The following GOSR1 variants were observed in gnomAD, a reference collection of about 807,000 sequenced individuals.
GOSR1 encodes 28 kDa Golgi SNARE protein.
Under a neutral mutation model 35.5 loss-of-function variants are expected in GOSR1, and 21 were observed. The ratio of observed to expected loss-of-function variants is 0.59; its 90% CI spans 0.42 to 0.85. GOSR1 has a LOEUF of 0.85. Ranked by LOEUF, GOSR1 falls within the 40% of genes least tolerant of loss-of-function variation. The pLI is 0.00. For synonymous variants in GOSR1, 94 were observed against 106.6 expected (o/e 0.88, Z 0.73); for missense variants, 285 against 309.6 (o/e 0.92, Z 0.60).
At position 30,523,392 on chromosome 17, in the gene GOSR1, C is replaced by CT. The variant is rs1968112243; in HGVS notation, c.*1015dup. 5.8e-6 allele frequency: 1 copy of CT among 173,284 alleles called. No homozygotes were observed. The highest frequency in any genetic ancestry group is 2.4e-5 in the African/African-American group (1 of 41,028). The allele number at this position is 173,284 out of a possible 1,614,324, so 10.7% of individuals were successfully genotyped here. On this transcript the variant is annotated 3_prime_UTR_variant, in exon 9 of 9. Transcript: ENST00000451249. Reference sequence around the variant, plus strand: ...GAGCGTCTCTGTCTGGCCACCCCGTCTGAGAAGTGAGGAGACCTCCGCCCG... The same window carrying CT: ...GAGCGTCTCTGTCTGGCCACCCCGTCTTGAGAAGTGAGGAGACCTCCGCCCG...
Position 30,526,090 on chromosome 17 carries a change from G to A in GOSR1, c.*3712G>A, listed in dbSNP as rs1968177903. ...CAGCTCCATGTCATTTAACTTTTTT[G>A]TTTAACCACCTTGGCTTTCTCTCCT... On this transcript the variant is annotated 3_prime_UTR_variant, in exon 9 of 9. Coordinates refer to ENST00000451249, the MANE Select transcript of GOSR1 (RefSeq NM_001007025.2). 6.6e-6 allele frequency: 1 copy of A among 152,114 alleles called. No homozygotes were observed. Among genetic ancestry groups the A allele is most frequent in the South Asian group, 2.1e-4 (1 of 4,836 alleles). 9.4% of individuals were successfully genotyped at this position (152,114 alleles called of 1,614,324 possible).
At position 30,523,275 on chromosome 17, in the gene GOSR1, C is replaced by T. The variant is rs569595002; in HGVS notation, c.*897C>T. 8.5e-3 allele frequency: 1,523 copies of T among 178,224 alleles called. 17 individuals are homozygous for T. Among genetic ancestry groups the T allele is most frequent in the South Asian group, 0.033 (329 of 9,914 alleles). 11.0% of individuals were successfully genotyped at this position (178,224 alleles called of 1,614,324 possible). A position where few individuals can be genotyped will look rare whatever the true frequency, so the allele number is the denominator to read the frequency against. On this transcript the variant is annotated 3_prime_UTR_variant, in exon 9 of 9. Coordinates refer to ENST00000451249, the MANE Select transcript of GOSR1 (RefSeq NM_001007025.2). ...GGAGCGTCTCTGCCCGGCCGCCCAT[C>T]GTCTGAGATGTGGGGAGCGCCTCTG...
At position 30,481,163 on chromosome 17, in the gene GOSR1, C is replaced by T; in HGVS notation, c.52C>T (p.Gln18Ter). 1.3e-6 allele frequency: 2 copies of T among 1,598,964 alleles called. No homozygotes were observed. The highest frequency in any genetic ancestry group is 1.7e-6 in the Non-Finnish European group (2 of 1,166,254). ...YWEDLRKQAR[Q>*]LENELDLKLV... ...TAAAGATCTCAGGAAACAGGCTCGA[C>T]AGCTGGAAAATGAACTTGACCTGAA... Residue 18 changes from glutamine (Q) to a stop codon, truncating the protein, a stop_gained, in exon 2 of 9, where the codon CAG (glutamine) becomes TAG (stop). Coordinates refer to ENST00000451249, the MANE Select transcript of GOSR1 (RefSeq NM_001007025.2). LOFTEE classifies it high-confidence loss of function.
intron 6 of GOSR1, among the ~76,000 whole-genome samples, chr17:30,502,379 C>CTGGGTG (rs1967242397): frequency 6.6e-6 from 1 of 152,172 alleles, no homozygotes; most frequent in Non-Finnish European, 1.5e-5. Flanking sequence ...AGTTGTAACA[C>CTGGGTG]ATGTGGCACA....
rs1968127565 is a variant in GOSR1 at position 30,523,672 on chromosome 17, AGTGAGGAG to A, written c.*1295_*1302del. 5.9e-6 allele frequency: 1 copy of A among 169,698 alleles called. No individual in the cohort carries two copies. Among genetic ancestry groups the A allele is most frequent in the Non-Finnish European group, 1.2e-5 (1 of 82,948 alleles). 10.5% of individuals were successfully genotyped at this position (169,698 alleles called of 1,614,324 possible). Reference sequence around the variant, plus strand: ...CCCTGCCCGGCCGCCCCTACTGGGAAGTGAGGAGCCCCTCTGCCTGGCCACCACCCCAT... The same window carrying A: ...CCCTGCCCGGCCGCCCCTACTGGGAACCCCTCTGCCTGGCCACCACCCCAT... On this transcript the variant is annotated 3_prime_UTR_variant, in exon 9 of 9. Coordinates refer to ENST00000451249, the MANE Select transcript of GOSR1 (RefSeq NM_001007025.2).
At chr17:30,489,649 A>G (rs1039294652) in intron 4 of GOSR1, among the ~76,000 whole-genome samples, 1 of 152,234 alleles carries the variant, frequency 6.6e-6, no homozygotes, top group Non-Finnish European at 1.5e-5. Flanking sequence ...TGGTACAAAA[A>G]TAGTAGAAAA....
intron 6 of GOSR1, among the ~76,000 whole-genome samples, chr17:30,498,561 G>A (rs1007598189): frequency 6.6e-6 from 1 of 152,228 alleles, no homozygotes; most frequent in Non-Finnish European, 1.5e-5. Flanking sequence ...CTTGAGGAAT[G>A]AGTAGGTGTT....
intron 6 of GOSR1, among the ~76,000 whole-genome samples, chr17:30,509,067 C>G (rs1441925852): frequency 1.3e-5 from 2 of 152,262 alleles, no homozygotes; most frequent in Non-Finnish European, 2.9e-5. Context: ...CCTCCACCTC[C>G]TGGGTTCAAG....
intron 6 of GOSR1, among the ~76,000 whole-genome samples, chr17:30,498,854 T>C (rs1967096949): frequency 6.6e-6 from 1 of 152,200 alleles, no homozygotes. Context: ...AAATCAGATT[T>C]ACTGAGGTAG....
At chr17:30,512,331 T>C (rs1048031546) in intron 7 of GOSR1, among the ~76,000 whole-genome samples, 7 of 152,222 alleles carry the variant, frequency 4.6e-5, no homozygotes, top group African/African-American at 1.7e-4. Context: ...AATCCTTTCT[T>C]TTTTAGCTTT....
intron 6 of GOSR1, among the ~76,000 whole-genome samples, chr17:30,494,192 A>AACACACACACAC (rs143873080): frequency 0.017 from 2,565 of 150,492 alleles, 60 homozygotes; most frequent in African/African-American, 0.055. Context: ...GCCATACTTA[A>AACACACACACAC]ACACACACAC....
chr17:30,503,388 A>G (rs1967285408), intron 6 of GOSR1, among the ~76,000 whole-genome samples: 1 of 152,224 alleles, frequency 6.6e-6, no homozygotes, highest in Admixed American at 6.5e-5. Flanking sequence ...ATTGGTCTTG[A>G]GACAAATGGA....
intron 7 of GOSR1, among the ~76,000 whole-genome samples, chr17:30,518,038 G>A (rs1014442588): frequency 3.3e-5 from 5 of 152,024 alleles, no homozygotes; most frequent in South Asian, 4.2e-4. Context: ...CAAGACTATC[G>A]GCTCTCTGCT....
chr17:30,521,836 A>G (rs1364634302), intron 8 of GOSR1, among the ~76,000 whole-genome samples: 1 of 152,194 alleles, frequency 6.6e-6, no homozygotes, highest in African/African-American at 2.4e-5. Context: ...AAGAGAAGGA[A>G]AATGAGGAAA....
At chr17:30,481,422 C>A in intron 2 of GOSR1, 165 bp downstream of exon 2, 1 of 463,628 alleles carries the variant, frequency 2.2e-6, no homozygotes, top group Non-Finnish European at 3.9e-6. Context: ...TAAAATTCTT[C>A]TGAATTCTCG....
rs763027466 is a variant in GOSR1, at chr17:30,506,105, G to T, written c.510-4775G>T. 4.6e-5 allele frequency among the ~76,000 whole-genome samples: 7 copies of T among 152,192 alleles called. No individual in the cohort carries two copies. In the Middle Eastern group the frequency reaches 0.014, roughly 296 times the overall value. ...CTCCTCAGGCCCCTCTCTATTACCTGACACAGAACAGTATTGAAATTAGGC... is the reference window on the plus strand; with the variant it reads ...CTCCTCAGGCCCCTCTCTATTACCTTACACAGAACAGTATTGAAATTAGGC... On this transcript the variant is annotated intron_variant, in intron 6 of 8. Coordinates refer to ENST00000451249, the MANE Select transcript of GOSR1 (RefSeq NM_001007025.2).
chr17:30,498,262 T>C (rs1430581957), intron 6 of GOSR1, among the ~76,000 whole-genome samples: 3 of 152,098 alleles, frequency 2.0e-5, no homozygotes, highest in Admixed American at 6.6e-5. Flanking sequence ...TTTGGTTGTT[T>C]TAACGAGCAT....
chr17:30,516,155 C>G (rs1307152355), intron 7 of GOSR1, among the ~76,000 whole-genome samples: 2 of 151,274 alleles, frequency 1.3e-5, no homozygotes, highest in Non-Finnish European at 2.9e-5. Context: ...ATTGTAACAA[C>G]TTAAATAATA....
intron 6 of GOSR1, chr17:30,495,553 AG>A (rs1966964540): frequency 2.7e-6 from 1 of 366,570 alleles, no homozygotes; most frequent in South Asian, 1.9e-5. Flanking sequence ...CCTTTTACCC[AG>A]GCTGGGACCA....
Sources: allele counts gnomAD v4.1 joint callset (sites outside exome capture counted in the v4.1 genomes callset), GRCh38; gene constraint gnomAD v4.1.1; transcripts MANE v1.5; gene names NCBI Gene and HGNC (gene_info 2026-07-23, HGNC 2026-07-21).